PAK5: variants seen among roughly 807,000 people sequenced by gnomAD.
PAK5 encodes the protein p21 (RAC1) activated kinase 5, also known as serine/threonine-protein kinase PAK 5.
In PAK5, 16 loss-of-function variants were observed where a neutral mutation model predicts 65.9. That is an observed-to-expected ratio of 0.24 (90% CI 0.16 to 0.37). The LOEUF is 0.37. Ranked by LOEUF, PAK5 falls within the 10% of genes least tolerant of loss-of-function variation. The pLI is 1.00. For missense variants in PAK5, 785 were observed against 903.9 expected, an observed-to-expected ratio of 0.87 and a Z score of 1.69; for synonymous variants, 371 against 354.9, an observed-to-expected ratio of 1.05 and a Z score of -0.51.
chr20:9,792,199 T>A (rs936923495), intron 1 of PAK5, among the ~76,000 whole-genome samples: 1 of 152,124 alleles, frequency 6.6e-6, no homozygotes, highest in African/African-American at 2.4e-5. Context: ...ATCTTCACAT[T>A]AGCAGGGGAA....
chr20:9,690,558 A>G (rs572223217), intron 2 of PAK5, among the ~76,000 whole-genome samples: 17 of 152,052 alleles, frequency 1.1e-4, no homozygotes, highest in East Asian at 7.8e-4. Flanking sequence ...CTGGGCCTCA[A>G]TCCTGCTGGG....
intron 2 of PAK5, among the ~76,000 whole-genome samples, chr20:9,658,134 T>C (rs2047294271): frequency 6.6e-6 from 1 of 152,212 alleles, no homozygotes; most frequent in African/African-American, 2.4e-5. Flanking sequence ...GTTTAAAACT[T>C]ACTGGGAATT....
intron 6 of PAK5, among the ~76,000 whole-genome samples, chr20:9,558,835 C>T (rs1603206822): frequency 6.6e-6 from 1 of 152,142 alleles, no homozygotes; most frequent in Admixed American, 6.5e-5. Flanking sequence ...GTTATGGCCT[C>T]CCATATCTCA....
chr20:9,689,610 G>C (rs2047765164), intron 2 of PAK5, among the ~76,000 whole-genome samples: 1 of 152,214 alleles, frequency 6.6e-6, no homozygotes, highest in East Asian at 1.9e-4. Flanking sequence ...GATAAGCAAG[G>C]GACATCTGCA....
chr20:9,580,010 G>T, intron 4 of PAK5, 135 bp downstream of exon 4: 1 of 674,338 alleles, frequency 1.5e-6, no homozygotes, highest in Non-Finnish European at 2.5e-6. Context: ...AGTGGAGATA[G>T]GGTGGGTTTT....
chr20:9,758,290 A>T (rs1012928953), intron 1 of PAK5, among the ~76,000 whole-genome samples: 3 of 152,124 alleles, frequency 2.0e-5, no homozygotes, highest in Admixed American at 6.5e-5. Context: ...TATTAACAGA[A>T]GTATAGAATC....
intron 1 of PAK5, among the ~76,000 whole-genome samples, chr20:9,753,964 T>C (rs779171785): frequency 3.9e-5 from 6 of 152,140 alleles, no homozygotes; most frequent in Non-Finnish European, 5.9e-5. Context: ...CCAGAGAGCA[T>C]TCCCTCAATA....
intron 2 of PAK5, among the ~76,000 whole-genome samples, chr20:9,646,149 C>T (rs1253849773): frequency 6.6e-6 from 1 of 152,222 alleles, no homozygotes; most frequent in African/African-American, 2.4e-5. Flanking sequence ...TGTTCTCTCA[C>T]TCTCCCTTCT....
At chr20:9,678,861 A>T (rs919920860) in intron 2 of PAK5, among the ~76,000 whole-genome samples, 7 of 152,146 alleles carry the variant, frequency 4.6e-5, no homozygotes, top group African/African-American at 1.4e-4. Flanking sequence ...CCCACGACAC[A>T]TGGGGATTAT....
At chr20:9,629,160 G>A (rs562768423) in intron 3 of PAK5, among the ~76,000 whole-genome samples, 9 of 152,162 alleles carry the variant, frequency 5.9e-5, no homozygotes, top group Admixed American at 1.3e-4. Flanking sequence ...GCTGACACCT[G>A]AATTTCAGCC....
chr20:9,572,072 T>C (rs1245527065), intron 4 of PAK5, among the ~76,000 whole-genome samples: 1 of 151,766 alleles, frequency 6.6e-6, no homozygotes, highest in Non-Finnish European at 1.5e-5. Flanking sequence ...GGGTTTTTTT[T>C]TTTTTTTTGG....
At chr20:9,692,451 T>C (rs1209733026) in intron 2 of PAK5, among the ~76,000 whole-genome samples, 1 of 152,200 alleles carries the variant, frequency 6.6e-6, no homozygotes, top group Admixed American at 6.5e-5. Flanking sequence ...TCAGCCACAA[T>C]TTTATTTCAA....
chr20:9,589,609 C>T (rs1271461876), intron 3 of PAK5, among the ~76,000 whole-genome samples: 1 of 152,066 alleles, frequency 6.6e-6, no homozygotes, highest in African/African-American at 2.4e-5. Context: ...CCAGAAAATC[C>T]CTCTTTAACA....
At chr20:9,805,975 C>T (rs1375096483) in intron 1 of PAK5, among the ~76,000 whole-genome samples, 3 of 151,920 alleles carry the variant, frequency 2.0e-5, no homozygotes, top group African/African-American at 4.8e-5. Context: ...GATTTTACAT[C>T]TGTTTTTGAG....
chr20:9,788,771 G>A (rs2049019519), intron 1 of PAK5, among the ~76,000 whole-genome samples: 2 of 152,134 alleles, frequency 1.3e-5, no homozygotes, highest in Non-Finnish European at 2.9e-5. Context: ...TAACAAAGGG[G>A]TTCCAAGATT....
chr20:9,750,949 C>G (rs2048569619), intron 1 of PAK5, among the ~76,000 whole-genome samples: 1 of 152,170 alleles, frequency 6.6e-6, no homozygotes. Flanking sequence ...TGTGCCCTAG[C>G]TACCAAGAAA....
chr20:9,578,730 G>C (rs2045929035), intron 4 of PAK5, among the ~76,000 whole-genome samples: 1 of 152,142 alleles, frequency 6.6e-6, no homozygotes, highest in East Asian at 1.9e-4. Flanking sequence ...TGTATCATGA[G>C]ACATGCGTAT....
chr20:9,727,048 T>C (rs1205754928), intron 1 of PAK5, among the ~76,000 whole-genome samples: 1 of 152,164 alleles, frequency 6.6e-6, no homozygotes, highest in Non-Finnish European at 1.5e-5. Context: ...TTTCTAGAAA[T>C]CCTACCAATC....
intron 7 of PAK5, 71 bp from the exon 8 acceptor site, chr20:9,544,565 T>A (rs1015283211): frequency 2.1e-6 from 3 of 1,419,240 alleles, no homozygotes; most frequent in East Asian, 4.6e-5. Flanking sequence ...AATACAAACA[T>A]ACAGAGTTTC....
Sources: gnomAD v4.1 joint callset for allele counts (sites outside exome capture counted in the v4.1 genomes callset) on GRCh38, gnomAD v4.1.1 for gene constraint, MANE v1.5 for transcripts, NCBI Gene and HGNC (gene_info 2026-07-23, HGNC 2026-07-21) for gene names.